Variants in MRTFB observed in about 807,000 individuals in gnomAD.
MRTFB encodes the protein myocardin related transcription factor B.
In MRTFB, 29 loss-of-function variants were observed where a neutral mutation model predicts 104.2. That is an observed-to-expected ratio of 0.28 (90% confidence interval 0.21 to 0.38). MRTFB has a LOEUF of 0.38. MRTFB is among the 10% of genes least tolerant of loss of function. The pLI is 1.00. For missense variants in MRTFB, 1,270 were observed against 1,341.6 expected (o/e 0.95, Z 0.83); for synonymous variants, 535 against 519.5 (o/e 1.03, Z -0.41).
chr16:14,211,189 C>T (rs1399601377), intron 4 of MRTFB, among the ~76,000 whole-genome samples: 1 of 152,144 alleles, frequency 6.6e-6, no homozygotes, highest in East Asian at 1.9e-4. Flanking sequence ...TTCTGGACTA[C>T]TATTGAGAAT....
In MRTFB at chr16:14,251,994, C is replaced by T. The variant is rs1258603149; in HGVS notation, c.2536C>T (p.Leu846=). 5 of 1,614,196 alleles carry T rather than the reference C, an allele frequency of 3.1e-6. No homozygotes were observed. In the Admixed American group the frequency reaches 6.7e-5, roughly 22 times the overall value. Residue 846 remains leucine (L), a synonymous_variant, in exon 14 of 17, where the codon CTG becomes TTG. Coordinates refer to ENST00000571589, the MANE Select transcript of MRTFB (RefSeq NM_001308142.2). ...ATCCAGAAATGCTCCGCTTCCATCC[C>T]TGCAAAATGGACCTAACACACCCAA... is the stretch of plus-strand genomic sequence containing the variant. ...LQSRNAPLPS[L]QNGPNTPNKP... is the part of the protein sequence containing the mutation.
In MRTFB at chr16:14,071,379, G is replaced by T. The variant is rs879419261; in HGVS notation, c.-129+14G>T. 245 of 165,192 alleles carry T rather than the reference G, an allele frequency of 1.5e-3. 1 individual carries two copies. Among genetic ancestry groups the T allele is most frequent in the Non-Finnish European group, 2.4e-3 (187 of 78,870 alleles). The allele number at this position is 165,192 out of a possible 1,614,324, so 10.2% of individuals were successfully genotyped here. A position where few individuals can be genotyped will look rare whatever the true frequency, so the allele number is the denominator to read the frequency against. Reference sequence around the variant, plus strand: ...GCGGCCGGGGAGGTGAGCGGCGGGCGGTGGCGGCCGTTGGGGGCTGAGGCC... The same window carrying T: ...GCGGCCGGGGAGGTGAGCGGCGGGCTGTGGCGGCCGTTGGGGGCTGAGGCC... On this transcript the variant is annotated intron_variant, in intron 1 of 16. Transcript: ENST00000571589.
intron 3 of MRTFB, among the ~76,000 whole-genome samples, chr16:14,161,857 A>G (rs2039051327): frequency 6.6e-6 from 1 of 152,214 alleles, no homozygotes; most frequent in Non-Finnish European, 1.5e-5. Flanking sequence ...TGACTAAAAT[A>G]TGAAAAAGAA....
the MRTFB span, among the ~76,000 whole-genome samples, chr16:14,012,533 C>T: frequency 9.9e-5 from 15 of 152,088 alleles, no homozygotes; most frequent in East Asian, 1.9e-4. Flanking sequence ...CTCCTGACCT[C>T]GAGATCTGCC....
rs1281325745 is a variant in MRTFB at position 14,247,298 on chromosome 16, A to G, written c.2038A>G (p.Ile680Val). The change falls in exon 12 of 17, where the codon ATC becomes GTC. Residue 680 changes from isoleucine (I) to valine (V), a missense_variant. Coordinates refer to ENST00000571589, the MANE Select transcript of MRTFB (RefSeq NM_001308142.2). The part of the protein sequence containing the change: ...QTLVAKKAVV[I>V]KQEVPVGQAE... ...CCTTGTTGCCAAAAAGGCTGTAGTT[A>G]TCAAGCAAGAGGTCCCTGTGGGCCA... is the stretch of plus-strand genomic sequence containing the variant. The G allele has an allele frequency of 2.5e-6, 4 of 1,614,098 alleles. No individual in the cohort carries two copies. In the Admixed American group the frequency reaches 5.0e-5, roughly 20 times the overall value.
At chr16:14,201,587 T>C (rs1375932634) in intron 3 of MRTFB, among the ~76,000 whole-genome samples, 27 of 152,220 alleles carry the variant, frequency 1.8e-4, no homozygotes, top group Admixed American at 1.7e-3. Context: ...GTCATCTACT[T>C]AAGGCCCAGT....
At chr16:14,140,215 A>G (rs539516542) in intron 2 of MRTFB, among the ~76,000 whole-genome samples, 4 of 152,240 alleles carry the variant, frequency 2.6e-5, no homozygotes, top group Non-Finnish European at 5.9e-5. Context: ...CTACTTCTTT[A>G]TTTTCATCAG....
At chr16:14,251,621 A>C (rs1018643025) in intron 13 of MRTFB, among the ~76,000 whole-genome samples, 4 of 152,230 alleles carry the variant, frequency 2.6e-5, no homozygotes, top group African/African-American at 9.6e-5. Context: ...TTGTATGGAT[A>C]AAGTTTTATT....
chr16:14,186,073 A>G (rs960502662), intron 3 of MRTFB, among the ~76,000 whole-genome samples: 1 of 152,250 alleles, frequency 6.6e-6, no homozygotes, highest in African/African-American at 2.4e-5. Flanking sequence ...CTTAAAAAAA[A>G]TCATGGCAAT....
At chr16:14,017,307 C>A in the MRTFB span, among the ~76,000 whole-genome samples, 1 of 151,778 alleles carries the variant, frequency 6.6e-6, no homozygotes, top group Middle Eastern at 3.4e-3. Context: ...CCGCCCCCCT[C>A]GGCCTCCCAA....
Position 14,261,020 on chromosome 16 carries a change from A to G in MRTFB, c.2876A>G (p.Gln959Arg), listed in dbSNP as rs1431568627. Residue 959 changes from glutamine to arginine, a missense_variant, in exon 17 of 17, where the codon CAA (glutamine) becomes CGA (arginine). Coordinates refer to ENST00000571589, the MANE Select transcript of MRTFB (RefSeq NM_001308142.2). Reference sequence around the variant, plus strand: ...ACAGTGGTGTCCCGGCCACCACCCCAAGTCCAAATGGCACCACCTGTATCT... The same window carrying G: ...ACAGTGGTGTCCCGGCCACCACCCCGAGTCCAAATGGCACCACCTGTATCT... ...VNTVVSRPPP[Q>R]VQMAPPVSLE... is the part of the protein sequence containing the mutation. 3.7e-6 allele frequency: 6 copies of G among 1,614,010 alleles called. No individual in the cohort carries two copies. Among genetic ancestry groups the G allele is most frequent in the South Asian group, 1.1e-5 (1 of 91,076 alleles).
intron 2 of MRTFB, among the ~76,000 whole-genome samples, chr16:14,095,078 C>T (rs976025463): frequency 6.6e-5 from 10 of 152,144 alleles, no homozygotes; most frequent in African/African-American, 2.4e-4. Flanking sequence ...GAGAACTTGC[C>T]TGACTTTGTA....
intron 2 of MRTFB, among the ~76,000 whole-genome samples, chr16:14,132,667 A>G (rs1597006381): frequency 6.6e-6 from 1 of 152,268 alleles, no homozygotes; most frequent in Non-Finnish European, 1.5e-5. Flanking sequence ...CAGAAAACTT[A>G]AAAAGACCCA....
At chr16:14,092,666 A>T (rs1162899639) in intron 2 of MRTFB, 2 of 152,138 alleles carry the variant, frequency 1.3e-5, no homozygotes, top group African/African-American at 2.4e-5. Context: ...GACAGATTCT[A>T]TTTCCTTTTT....
At chr16:14,244,955 T>C (rs2151391311) in intron 10 of MRTFB, among the ~76,000 whole-genome samples, 1 of 152,336 alleles carries the variant, frequency 6.6e-6, no homozygotes, top group South Asian at 2.1e-4. Flanking sequence ...CTGAGTGTTT[T>C]TCTGAAAGCT....
intron 3 of MRTFB, among the ~76,000 whole-genome samples, chr16:14,165,131 T>C (rs1413951547): frequency 3.3e-5 from 5 of 151,840 alleles, no homozygotes; most frequent in Non-Finnish European, 5.9e-5. Flanking sequence ...TCCTATCAGA[T>C]GGGGTTGTAT....
At chr16:14,006,034 C>T in the MRTFB span, among the ~76,000 whole-genome samples, 1,234 of 151,754 alleles carry the variant, frequency 8.1e-3, 16 homozygotes, top group African/African-American at 0.028. Context: ...ATGGTGAAAC[C>T]GCATCTCTGC....
chr16:14,017,056 C>CTTTT, the MRTFB span, among the ~76,000 whole-genome samples: 122 of 125,378 alleles, frequency 9.7e-4, 1 homozygote, highest in Middle Eastern at 4.1e-3. Flanking sequence ...CAGTCTTCTT[C>CTTTT]TTTTTTTTTT....
intron 2 of MRTFB, among the ~76,000 whole-genome samples, chr16:14,093,243 ATTTT>A (rs59073217): frequency 6.8e-6 from 1 of 146,004 alleles, no homozygotes; most frequent in South Asian, 2.2e-4. Flanking sequence ...TGAGAGATGG[ATTTT>A]TTTTTTTTTT....
Sources: allele counts gnomAD v4.1 joint callset (sites outside exome capture counted in the v4.1 genomes callset), GRCh38; gene constraint gnomAD v4.1.1; transcripts MANE v1.5; gene names NCBI Gene and HGNC (gene_info 2026-07-23, HGNC 2026-07-21).